The following CAMTA1 variants were observed in gnomAD, a reference collection of about 807,000 sequenced individuals.
CAMTA1 encodes calmodulin-binding transcription activator 1.
In CAMTA1, 27 loss-of-function variants were observed where a neutral mutation model predicts 170.9. The observed-to-expected ratio is 0.16, with a 90% CI of 0.12 to 0.22. The LOEUF is 0.22. CAMTA1 is among the 10% of genes least tolerant of loss of function. CAMTA1 has a pLI of 1.00. For missense variants in CAMTA1, 1,619 were observed against 2,217.2 expected (o/e 0.73, Z 5.42); for synonymous variants, 833 against 891.5 (o/e 0.93, Z 1.17).
At chr1:7,497,522 C>T (rs574262978) in intron 6 of CAMTA1, among the ~76,000 whole-genome samples, 1 of 152,244 alleles carries the variant, frequency 6.6e-6, no homozygotes, top group Admixed American at 6.5e-5. Context: ...CACGGTGCCA[C>T]AACCACAAAT....
intron 3 of CAMTA1, among the ~76,000 whole-genome samples, chr1:7,062,814 C>G (rs1322951746): frequency 1.3e-5 from 2 of 152,344 alleles, no homozygotes; most frequent in South Asian, 2.1e-4. Context: ...TTCCTCGCCC[C>G]TCCTAGCGTC....
intron 5 of CAMTA1, among the ~76,000 whole-genome samples, chr1:7,339,571 TTTTG>T (rs1178988682): frequency 1.3e-5 from 2 of 151,964 alleles, no homozygotes; most frequent in Non-Finnish European, 2.9e-5. Context: ...TCTCACTCTG[TTTTG>T]TTTGTTTGTT....
chr1:6,816,124 G>T (rs1412194888), intron 1 of CAMTA1, among the ~76,000 whole-genome samples: 3 of 152,172 alleles, frequency 2.0e-5, no homozygotes, highest in African/African-American at 7.2e-5. Context: ...ACTGGCTAAG[G>T]CTGAGAACCA....
chr1:7,149,449 G>T (rs1323896017), intron 4 of CAMTA1, among the ~76,000 whole-genome samples: 1 of 152,178 alleles, frequency 6.6e-6, no homozygotes, highest in Non-Finnish European at 1.5e-5. Flanking sequence ...TCCCTCTCCA[G>T]CCCCTTGCTG....
chr1:7,745,283 T>G (rs1463451920), intron 17 of CAMTA1, among the ~76,000 whole-genome samples: 1 of 152,238 alleles, frequency 6.6e-6, no homozygotes, highest in Admixed American at 6.5e-5. Context: ...CCCAGCACTT[T>G]TGGGAGGCCA....
At chr1:6,973,777 G>A (rs1382453785) in intron 3 of CAMTA1, among the ~76,000 whole-genome samples, 1 of 152,150 alleles carries the variant, frequency 6.6e-6, no homozygotes. Flanking sequence ...GGCATTCTTG[G>A]TCCCATGGCT....
rs1038891575 is a variant in CAMTA1, at chr1:7,428,985, G to A, written c.439-38845G>A. ...ATTGCATACAAGCCACAGGCTGAAC[G>A]AAATACCCAGCACCTCTAATGGACG... On this transcript the variant is annotated intron_variant, in intron 5 of 22. Coordinates refer to ENST00000303635, the MANE Select transcript of CAMTA1 (RefSeq NM_015215.4). Among the ~76,000 whole-genome samples the A allele has an allele frequency of 6.6e-5, 10 of 152,234 alleles. No individual in the cohort carries two copies. In the East Asian group the frequency reaches 9.6e-4, roughly 15 times the overall value.
chr1:6,941,061 T>TA (rs1686519127), intron 3 of CAMTA1, among the ~76,000 whole-genome samples: 1 of 150,062 alleles, frequency 6.7e-6, no homozygotes, highest in Non-Finnish European at 1.5e-5. Flanking sequence ...TAGTCTCATT[T>TA]TCTGCCGAGG....
rs542153723 is a variant in CAMTA1 at position 7,606,926 on chromosome 1, G to T, written c.511-33474G>T. On this transcript the variant is annotated intron_variant, in intron 6 of 22. Coordinates refer to ENST00000303635, the MANE Select transcript of CAMTA1 (RefSeq NM_015215.4). The stretch of plus-strand genomic sequence containing the variant: ...CCTCTAGTTGAGCACTCAAGTCATT[G>T]TGTGACCCTAGTCACATGTCTGCCT... 3.9e-5 allele frequency among the ~76,000 whole-genome samples: 6 copies of T among 152,374 alleles called. No homozygotes were observed. The South Asian group carries it at 1.2e-3, about 32-fold the overall frequency.
chr1:7,469,958 T>G (rs1149333), intron 6 of CAMTA1, among the ~76,000 whole-genome samples: 36,500 of 152,226 alleles, frequency 0.24, 4,647 homozygotes, highest in Middle Eastern at 0.31. Flanking sequence ...CTCCGTATGC[T>G]GGAGGCATAC....
chr1:7,492,315 T>C (rs1161093087), intron 6 of CAMTA1, among the ~76,000 whole-genome samples: 2 of 152,200 alleles, frequency 1.3e-5, no homozygotes, highest in African/African-American at 4.8e-5. Context: ...TCTGCCCTGC[T>C]TAGGGCTGGG....
At chr1:7,340,614 A>G (rs2083752607) in intron 5 of CAMTA1, among the ~76,000 whole-genome samples, 1 of 127,020 alleles carries the variant, frequency 7.9e-6, no homozygotes, top group Admixed American at 1.0e-4. Context: ...TCCGTCACCT[A>G]TCCATTTATG....
At chr1:7,422,988 G>A (rs970104195) in intron 5 of CAMTA1, among the ~76,000 whole-genome samples, 2 of 152,270 alleles carry the variant, frequency 1.3e-5, no homozygotes, top group Non-Finnish European at 2.9e-5. Context: ...ATTAATGGCA[G>A]TGCCATTTAA....
intron 5 of CAMTA1, among the ~76,000 whole-genome samples, chr1:7,448,936 T>C (rs541479923): frequency 6.6e-6 from 1 of 152,332 alleles, no homozygotes; most frequent in African/African-American, 2.4e-5. Flanking sequence ...CGATCCAGGC[T>C]GTTTTGCACA....
chr1:7,004,383 C>CT (rs1235992592), intron 3 of CAMTA1, among the ~76,000 whole-genome samples: 2 of 152,186 alleles, frequency 1.3e-5, no homozygotes, highest in Non-Finnish European at 2.9e-5. Flanking sequence ...GAGGAGGCAG[C>CT]TGCTCTGGGT....
chr1:7,514,136 G>A (rs1013140306), intron 6 of CAMTA1, among the ~76,000 whole-genome samples: 3 of 152,200 alleles, frequency 2.0e-5, no homozygotes, highest in Admixed American at 6.5e-5. Flanking sequence ...AACATCCAAG[G>A]AAGAAGGACT....
intron 5 of CAMTA1, among the ~76,000 whole-genome samples, chr1:7,460,920 G>A (rs1342480): frequency 0.21 from 32,098 of 151,980 alleles, 3,874 homozygotes; most frequent in Middle Eastern, 0.32. Flanking sequence ...GGGCTGTGGT[G>A]GTGTGGAGGC....
At chr1:6,840,836 GGAAGCCAGGA>G (rs1655376957) in intron 3 of CAMTA1, among the ~76,000 whole-genome samples, 1 of 152,162 alleles carries the variant, frequency 6.6e-6, no homozygotes, top group African/African-American at 2.4e-5. Context: ...GGTGTGAAGT[GGAAGCCAGGA>G]GAAGGACATG....
At chr1:6,911,419 C>T (rs546647064) in intron 3 of CAMTA1, among the ~76,000 whole-genome samples, 12 of 152,260 alleles carry the variant, frequency 7.9e-5, no homozygotes, top group East Asian at 5.8e-4. Context: ...ATCGTCAACA[C>T]GGAGAGAGAG....
Sources: allele counts gnomAD v4.1 joint callset (sites outside exome capture counted in the v4.1 genomes callset), GRCh38; gene constraint gnomAD v4.1.1; transcripts MANE v1.5; gene names NCBI Gene and HGNC (gene_info 2026-07-23, HGNC 2026-07-21).